Variants in NCOA3 observed in about 807,000 individuals in gnomAD.
The protein encoded by NCOA3 is nuclear receptor coactivator 3.
Under a neutral mutation model 158.8 loss-of-function variants are expected in NCOA3, and 51 were observed. That is an observed-to-expected ratio of 0.32 (90% CI 0.26 to 0.41). The LOEUF (loss-of-function observed/expected upper bound fraction) is 0.41. Among genes scored for constraint, NCOA3 ranks in the 10% least tolerant of loss-of-function variants. The probability of loss-of-function intolerance (pLI) is 1.00; values close to 1 mark genes in which losing one functional copy is unlikely to be tolerated. For synonymous variants in NCOA3, 537 were observed against 592.4 expected (o/e 0.91, Z 1.36); for missense variants, 1,510 against 1,746.6 (o/e 0.86, Z 2.41).
chr20:47,522,689 C>T (rs1271087788), intron 1 of NCOA3, among the ~76,000 whole-genome samples: 1 of 150,566 alleles, frequency 6.6e-6, no homozygotes, highest in Non-Finnish European at 1.5e-5. Flanking sequence ...TATGCAAATG[C>T]AGGGGCGCTA....
At chr20:47,608,562 C>G (rs1244718130) in intron 2 of NCOA3, among the ~76,000 whole-genome samples, 1 of 148,744 alleles carries the variant, frequency 6.7e-6, no homozygotes, top group Non-Finnish European at 1.5e-5. Context: ...TCACTTCAGA[C>G]CAGCAGATCG....
rs11407921 is a variant in NCOA3 at position 47,552,930 on chromosome 20, A to ATT, written c.-98-30237_-98-30236dup. Among the ~76,000 whole-genome samples, 156 of 142,736 alleles carry ATT rather than the reference A, an allele frequency of 1.1e-3. No individual in the cohort carries two copies. In the Middle Eastern group the frequency reaches 0.011, roughly 10 times the overall value. The allele number at this position is 142,736 out of a possible 152,430, so 93.6% of individuals were successfully genotyped here. On this transcript the variant is annotated intron_variant, in intron 1 of 22. Transcript: ENST00000371998. ...CATGCTTTTCAAAATACATGGTTAGATTTTTTTTTTTTTTTTTAAGACAGG... is the reference window on the plus strand; with the variant it reads ...CATGCTTTTCAAAATACATGGTTAGATTTTTTTTTTTTTTTTTTTAAGACAGG...
Position 47,627,279 on chromosome 20 carries a change from G to C in NCOA3, c.532+103G>C, listed in dbSNP as rs1001280285. The C allele has an allele frequency of 1.3e-5, 12 of 955,016 alleles. No homozygotes were observed. The South Asian group carries it at 1.4e-4, about 11-fold the overall frequency. 59.2% of individuals were successfully genotyped at this position (955,016 alleles called of 1,614,324 possible). Reference sequence around the variant, plus strand: ...TTAGGAAGTCAAGCGATCAAATGAGGGTAGAAAGGCATGTGATTTAATAGC... The same window carrying C: ...TTAGGAAGTCAAGCGATCAAATGAGCGTAGAAAGGCATGTGATTTAATAGC... On this transcript the variant is annotated intron_variant, in intron 6 of 22. Transcript: ENST00000371998.
At chr20:47,569,311 C>T (rs1172406313) in intron 1 of NCOA3, among the ~76,000 whole-genome samples, 2 of 152,048 alleles carry the variant, frequency 1.3e-5, no homozygotes, top group Admixed American at 6.6e-5. Context: ...TGTGCCTCTG[C>T]ACTCCAGCCT....
chr20:47,649,306 A>C (rs1052167956), intron 19 of NCOA3, among the ~76,000 whole-genome samples, 197 bp downstream of exon 19: 1 of 152,174 alleles, frequency 6.6e-6, no homozygotes, highest in African/African-American at 2.4e-5. Flanking sequence ...CAGAGGAGGG[A>C]GAGCTTTCTT....
At chr20:47,622,899 A>G (rs1415077019) in intron 3 of NCOA3, 1 of 152,232 alleles carries the variant, frequency 6.6e-6, no homozygotes, top group Non-Finnish European at 1.5e-5. Context: ...TGGGGCAGAA[A>G]CATCACAATG....
In NCOA3 at chr20:47,639,037, A is replaced by G. The variant is rs755361920; in HGVS notation, c.2542A>G (p.Ile848Val). 1.7e-5 allele frequency: 27 copies of G among 1,613,684 alleles called. No homozygotes were observed. Among genetic ancestry groups the G allele is most frequent in the South Asian group, 8.8e-5 (8 of 90,938 alleles). ...GAAAAGTTCACAGTCTGTGCAGTCTATTCGTCCTCCATATAACCGAGCAGT... is the reference window on the plus strand; with the variant it reads ...GAAAAGTTCACAGTCTGTGCAGTCTGTTCGTCCTCCATATAACCGAGCAGT... ...GLKSSQSVQS[I>V]RPPYNRAVSL... Residue 848 changes from isoleucine to valine, a missense_variant, in exon 14 of 23, where the codon ATT (isoleucine) becomes GTT (valine). Transcript: ENST00000371998.
chr20:47,597,888 A>G (rs1260241876), intron 2 of NCOA3, among the ~76,000 whole-genome samples: 1 of 152,066 alleles, frequency 6.6e-6, no homozygotes, highest in Non-Finnish European at 1.5e-5. Flanking sequence ...GAGCCCGTTA[A>G]CATATTAATC....
intron 6 of NCOA3, 151 bp downstream of exon 6, chr20:47,627,327 G>A (rs2086338819): frequency 1.4e-6 from 1 of 739,616 alleles, no homozygotes; most frequent in Non-Finnish European, 2.1e-6. Context: ...TATGGAGTCA[G>A]TGAATTAAAA....
chr20:47,541,662 T>C (rs1483946061), intron 1 of NCOA3, among the ~76,000 whole-genome samples: 2 of 150,738 alleles, frequency 1.3e-5, no homozygotes, highest in East Asian at 3.9e-4. Flanking sequence ...TTGCAAGGCC[T>C]CCCAAAGTAC....
chr20:47,633,725 G>T, intron 9 of NCOA3, 89 bp downstream of exon 9: 1 of 1,393,874 alleles, frequency 7.2e-7, no homozygotes, highest in East Asian at 2.3e-5. Context: ...TCGAACTCCT[G>T]GATTTAATTG....
rs375086947 is a variant in NCOA3 at position 47,558,351 on chromosome 20, G to A, written c.-98-24832G>A. Reference sequence around the variant, plus strand: ...CCTGCCTCGGCGTCCCAAAGTGCTGGGATTACAGACGTGAGCCACCGCGCC... The same window carrying A: ...CCTGCCTCGGCGTCCCAAAGTGCTGAGATTACAGACGTGAGCCACCGCGCC... On this transcript the variant is annotated intron_variant, in intron 1 of 22. Transcript: ENST00000371998. Among the ~76,000 whole-genome samples the A allele has an allele frequency of 2.7e-5, 4 of 149,804 alleles. 1 individual carries two copies. The highest frequency in any genetic ancestry group is 9.9e-5 in the African/African-American group (4 of 40,570).
chr20:47,610,647 C>A (rs1674682833), intron 2 of NCOA3, among the ~76,000 whole-genome samples: 2 of 152,178 alleles, frequency 1.3e-5, no homozygotes, highest in Non-Finnish European at 2.9e-5. Context: ...AGATGATGAC[C>A]TATTCAGGAA....
intron 1 of NCOA3, among the ~76,000 whole-genome samples, chr20:47,511,628 G>T (rs1388755718): frequency 7.1e-6 from 1 of 141,550 alleles, no homozygotes; most frequent in Non-Finnish European, 1.5e-5. Context: ...TCAGATCACC[G>T]CAACCTCCAC....
chr20:47,644,213 C>T (rs1039113515), intron 17 of NCOA3, among the ~76,000 whole-genome samples: 1 of 151,696 alleles, frequency 6.6e-6, no homozygotes, highest in Non-Finnish European at 1.5e-5. Context: ...GATCTTGGCT[C>T]ACTGCAAGCT....
intron 19 of NCOA3, among the ~76,000 whole-genome samples, chr20:47,649,400 G>C (rs1021871874): frequency 6.6e-6 from 1 of 152,146 alleles, no homozygotes; most frequent in East Asian, 1.9e-4. Context: ...TCACTTGGCT[G>C]TTTAGGAATT....
chr20:47,552,288 A>G lies in NCOA3; in HGVS notation c.-98-30895A>G, dbSNP rs72661200. Among the ~76,000 whole-genome samples the G allele has an allele frequency of 2.7e-3, 408 of 152,356 alleles. 1 individual carries two copies. Among genetic ancestry groups the G allele is most frequent in the African/African-American group, 9.4e-3 (391 of 41,584 alleles). On this transcript the variant is annotated intron_variant, in intron 1 of 22. Transcript: ENST00000371998. Reference sequence around the variant, plus strand: ...AGATTAGAAGGCCAATGGAAAATCTATAAATTAGCCATAGCCCATATTGTA... The same window carrying G: ...AGATTAGAAGGCCAATGGAAAATCTGTAAATTAGCCATAGCCCATATTGTA...
intron 1 of NCOA3, among the ~76,000 whole-genome samples, chr20:47,539,345 G>GA (rs2084685954): frequency 6.6e-6 from 1 of 152,012 alleles, no homozygotes; most frequent in Non-Finnish European, 1.5e-5. Flanking sequence ...CTGTCTCCAG[G>GA]AAAAAATAAA....
chr20:47,570,939 T>TATACACACACACAC (rs369516174), intron 1 of NCOA3, among the ~76,000 whole-genome samples: 4 of 114,976 alleles, frequency 3.5e-5, no homozygotes, highest in African/African-American at 1.4e-4. Context: ...GTAATATATA[T>TATACACACACACAC]ACACACACAC....
Sources: gnomAD v4.1 joint callset for allele counts (sites outside exome capture counted in the v4.1 genomes callset) on GRCh38, gnomAD v4.1.1 for gene constraint, MANE v1.5 for transcripts, NCBI Gene and HGNC (gene_info 2026-07-23, HGNC 2026-07-21) for gene names.